The following KCNJ14 variants were observed in gnomAD, a reference collection of about 807,000 sequenced individuals.
The protein encoded by KCNJ14 is ATP-sensitive inward rectifier potassium channel 14.
Under a neutral mutation model 24.5 loss-of-function variants are expected in KCNJ14, and 18 were observed. The ratio of observed to expected loss-of-function variants is 0.74; its 90% CI spans 0.51 to 1.09. The LOEUF (loss-of-function observed/expected upper bound fraction) is 1.09. KCNJ14 is among the 50% of genes least tolerant of loss of function. KCNJ14 has a pLI of 0.00. For synonymous variants in KCNJ14, 288 were observed against 270.8 expected (o/e 1.06, Z -0.63); for missense variants, 633 against 623.0 (o/e 1.02, Z -0.17).
chr19:48,463,317 T>TA (rs1971621146), intron 2 of KCNJ14, among the ~76,000 whole-genome samples: 1 of 151,980 alleles, frequency 6.6e-6, no homozygotes, highest in Non-Finnish European at 1.5e-5. Context: ...GCCTCTGGGG[T>TA]TCCTCTACTT....
At position 48,462,104 on chromosome 19, in the gene KCNJ14, G is replaced by T. The variant is rs775967272; in HGVS notation, c.380G>T (p.Cys127Phe). 6.2e-7 allele frequency: 1 copy of T among 1,601,474 alleles called. No individual in the cohort carries two copies. Among genetic ancestry groups the T allele is most frequent in the Non-Finnish European group, 8.5e-7 (1 of 1,175,570 alleles). The change falls in exon 2 of 3, where the codon TGC becomes TTC. Residue 127 changes from cysteine to phenylalanine, a missense_variant. Cys to Phe is a radical substitution (Grantham distance 205). Coordinates refer to ENST00000342291, the MANE Select transcript of KCNJ14 (RefSeq NM_013348.4). The surrounding 1 kb of genome is among the most constrained non-coding windows in gnomAD (Gnocchi z 4.9). The stretch of plus-strand genomic sequence containing the variant: ...GCCGCCCCGCCACCGCCCGCGCCCT[G>T]CTTCTCACACGTGGCCAGCTTCCTG... ...DLAAPPPPAP[C>F]FSHVASFLAA...
Position 48,461,739 on chromosome 19 carries a change from G to C in KCNJ14, c.15G>C (p.Arg5Ser), listed in dbSNP as rs901184937. 43 of 1,430,030 alleles carry C rather than the reference G, an allele frequency of 3.0e-5. No individual in the cohort carries two copies. Among genetic ancestry groups the C allele is most frequent in the Non-Finnish European group, 3.6e-5 (39 of 1,096,602 alleles). The allele number at this position is 1,430,030 out of a possible 1,614,324, so 88.6% of individuals were successfully genotyped here. A position where few individuals can be genotyped will look rare whatever the true frequency, so the allele number is the denominator to read the frequency against. Residue 5 changes from arginine to serine, a missense_variant, in exon 2 of 3, where the codon AGG (arginine) becomes AGC (serine). By Grantham distance (110) the Arg-to-Ser change is moderately radical. Transcript: ENST00000342291. MGLA[R>S]ALRRLSGALD... ...CCCTCCGTCCAATGGGCCTGGCCAGGGCCCTACGCCGCCTCAGCGGCGCCC... is the reference window on the plus strand; with the variant it reads ...CCCTCCGTCCAATGGGCCTGGCCAGCGCCCTACGCCGCCTCAGCGGCGCCC...
rs370425889 is a variant in KCNJ14 at position 48,461,550 on chromosome 19, A to AAAAAAAAAG, written c.-55-120_-55-119insAAAAAAAAG. On this transcript the variant is annotated intron_variant, in intron 1 of 2. Transcript: ENST00000342291. ...CTCCAAAAAAAAAAAAAAAAAAAAA[A>AAAAAAAAAG]TGCGTATCGTTCCACCTATTTGACA... 187 of 351,392 alleles carry AAAAAAAAAG rather than the reference A, an allele frequency of 5.3e-4. 13 individuals are homozygous for AAAAAAAAAG. Among genetic ancestry groups the AAAAAAAAAG allele is most frequent in the African/African-American group, 3.6e-3 (117 of 32,682 alleles). 21.8% of individuals were successfully genotyped at this position (351,392 alleles called of 1,614,324 possible).
intron 1 of KCNJ14, among the ~76,000 whole-genome samples, chr19:48,458,803 G>C: frequency 6.6e-6 from 1 of 152,026 alleles, no homozygotes; most frequent in Non-Finnish European, 1.5e-5. Flanking sequence ...TGGGATGGTG[G>C]CATGAGCCTG....
In KCNJ14 at chr19:48,462,384, C is replaced by T. The variant is rs1216180173; in HGVS notation, c.660C>T (p.Gly220=). ...GCCTCTGCCTCATGTGGCGCGTCGG[C>T]AACCTGCGCCGCAGCCACCTGGTCG... ...DHRLCLMWRV[G]NLRRSHLVEA... Residue 220 remains glycine, a synonymous_variant, in exon 2 of 3, where the codon GGC becomes GGT. Transcript: ENST00000342291. This position sits in a 1 kb window ranked among gnomAD's most constrained non-coding sequence, Gnocchi z 4.9. The T allele has an allele frequency of 3.3e-6, 5 of 1,525,514 alleles. No homozygotes were observed. Among genetic ancestry groups the T allele is most frequent in the Non-Finnish European group, 4.4e-6 (5 of 1,131,192 alleles). The allele number at this position is 1,525,514 out of a possible 1,614,324, so 94.5% of individuals were successfully genotyped here.
At position 48,464,331 on chromosome 19, in the gene KCNJ14, C is replaced by T. The variant is rs3745725; in HGVS notation, c.865C>T (p.Arg289Cys). The T allele has an allele frequency of 2.0e-3, 3,263 of 1,613,466 alleles. 83 individuals carry two copies. In the East Asian group the frequency reaches 0.043, roughly 21 times the overall value. The change falls in exon 3 of 3, where the codon CGT (arginine) becomes TGT (cysteine). Residue 289 changes from arginine to cysteine, a missense_variant. Transcript: ENST00000342291. ...DSASPLYELG[R>C]AELARADFEL... ...TGCCAGTCCTCTGTATGAGCTAGGA[C>T]GTGCCGAGCTGGCCAGGGCTGACTT...
In KCNJ14 at chr19:48,462,086, C is replaced by A; in HGVS notation, c.362C>A (p.Pro121Gln). 6.2e-7 allele frequency: 1 copy of A among 1,602,314 alleles called. No homozygotes were observed. Among genetic ancestry groups the A allele is most frequent in the Non-Finnish European group, 8.5e-7 (1 of 1,176,406 alleles). ...TCGCTGCACGGCGACCTGGCCGCCC[C>A]GCCACCGCCCGCGCCCTGCTTCTCA... ...IASLHGDLAA[P>Q]PPPAPCFSHV... Residue 121 changes from proline (P) to glutamine (Q), a missense_variant, in exon 2 of 3, where the codon CCG becomes CAG. Physicochemically the swap from Pro to Gln is moderately conservative, Grantham distance 76 (BLOSUM62 -1). Coordinates refer to ENST00000342291, the MANE Select transcript of KCNJ14 (RefSeq NM_013348.4). The surrounding 1 kb of genome is among the most constrained non-coding windows in gnomAD (Gnocchi z 4.9).
At chr19:48,461,631 C>A in intron 1 of KCNJ14, 39 bp from the exon 2 acceptor site, 1 of 702,818 alleles carries the variant, frequency 1.4e-6, no homozygotes, top group Non-Finnish European at 2.1e-6. Context: ...CTCATCCATT[C>A]CTGTTGCCCC....
In KCNJ14 at chr19:48,462,096, C is replaced by A. The variant is rs534129021; in HGVS notation, c.372C>A (p.Pro124=). The A allele has an allele frequency of 1.9e-5, 30 of 1,602,252 alleles. No homozygotes were observed. The South Asian group carries it at 2.8e-4, about 15-fold the overall frequency. ...LHGDLAAPPP[P]APCFSHVASF... is the part of the protein sequence containing the mutation. ...GCGACCTGGCCGCCCCGCCACCGCC[C>A]GCGCCCTGCTTCTCACACGTGGCCA... Residue 124 remains proline, a synonymous_variant, in exon 2 of 3, where the codon CCC becomes CCA. Transcript: ENST00000342291. The surrounding 1 kb of genome is among the most constrained non-coding windows in gnomAD (Gnocchi z 4.9).
Position 48,465,567 on chromosome 19 carries a change from G to A in KCNJ14, c.*790G>A, listed in dbSNP as rs1971646876. On this transcript the variant is annotated 3_prime_UTR_variant, in exon 3 of 3. Coordinates refer to ENST00000342291, the MANE Select transcript of KCNJ14 (RefSeq NM_013348.4). ...TAGATAACTCCAACTTCTGGCTGTA[G>A]AGCACCCAGCCAAGAGAATAAGCAG... 6.6e-6 allele frequency: 1 copy of A among 152,502 alleles called. No homozygotes were observed. The highest frequency in any genetic ancestry group is 1.5e-5 in the Non-Finnish European group (1 of 68,026). 9.4% of individuals were successfully genotyped at this position (152,502 alleles called of 1,614,324 possible). A position where few individuals can be genotyped will look rare whatever the true frequency, so the allele number is the denominator to read the frequency against.
rs374265845 is a variant in KCNJ14, at chr19:48,458,661, C to T, written c.-56+2803C>T. On this transcript the variant is annotated intron_variant, in intron 1 of 2. Transcript: ENST00000342291. ...CTGAGCTCAAGTGATCCAGCTTCCT[C>T]GGCCTCGCAAAGTGTTAGGATTACA... 5.9e-5 allele frequency among the ~76,000 whole-genome samples: 9 copies of T among 152,252 alleles called. No individual in the cohort carries two copies. The East Asian group carries it at 7.7e-4, about 13-fold the overall frequency.
rs1483447885 is a variant in KCNJ14 at position 48,461,856 on chromosome 19, C to G, written c.132C>G (p.Pro44=). The G allele has an allele frequency of 1.9e-6, 3 of 1,558,558 alleles. No homozygotes were observed. Among genetic ancestry groups the G allele is most frequent in the Admixed American group, 1.9e-5 (1 of 52,818 alleles). ...NGWAPAPVQS[P]VGRRRGRFVK... ...GGGCGCCGGCACCGGTGCAGTCACC[C>G]GTGGGCCGGCGCCGCGGTCGCTTCG... Residue 44 remains proline (P), a synonymous_variant, in exon 2 of 3, where the codon CCC becomes CCG. Coordinates refer to ENST00000342291, the MANE Select transcript of KCNJ14 (RefSeq NM_013348.4).
rs1971614048 is a variant in KCNJ14, at chr19:48,462,562, G to A, written c.714+124G>A. On this transcript the variant is annotated intron_variant, in intron 2 of 2. Coordinates refer to ENST00000342291, the MANE Select transcript of KCNJ14 (RefSeq NM_013348.4). The surrounding 1 kb of genome is among the most constrained non-coding windows in gnomAD (Gnocchi z 4.9). ...GGACTACAACTCCCAGCAGCCTCTT[G>A]GGCCTGGGGCCTGCGAATGGGTCAC... 1 of 692,798 alleles carries A rather than the reference G, an allele frequency of 1.4e-6. No homozygotes were observed. Among genetic ancestry groups the A allele is most frequent in the Admixed American group, 3.2e-5 (1 of 31,002 alleles). 42.9% of individuals were successfully genotyped at this position (692,798 alleles called of 1,614,324 possible). A position where few individuals can be genotyped will look rare whatever the true frequency, so the allele number is the denominator to read the frequency against.
Position 48,462,053 on chromosome 19 carries a change from T to C in KCNJ14, c.329T>C (p.Leu110Pro). The part of the protein sequence containing the change: ...SWLLFGLAFW[L>P]IASLHGDLAA... ...CTGCTCTTCGGCCTGGCCTTCTGGC[T>C]CATTGCCTCGCTGCACGGCGACCTG... The change falls in exon 2 of 3, where the codon CTC becomes CCC. Residue 110 changes from leucine (L) to proline (P), a missense_variant. By Grantham distance (98) the Leu-to-Pro change is moderately conservative (BLOSUM62 -3). Transcript: ENST00000342291. The surrounding 1 kb of genome is among the most constrained non-coding windows in gnomAD (Gnocchi z 4.9). 6.2e-7 allele frequency: 1 copy of C among 1,610,664 alleles called. No individual in the cohort carries two copies.
In KCNJ14 at chr19:48,464,402, G is replaced by T; in HGVS notation, c.936G>T (p.Met312Ile). 1 of 1,613,582 alleles carries T rather than the reference G, an allele frequency of 6.2e-7. No homozygotes were observed. The highest frequency in any genetic ancestry group is 1.1e-5 in the South Asian group (1 of 90,920). ...ILEGMVEATA[M>I]TTQCRSSYLP... ...AGGGGATGGTTGAGGCCACAGCCAT[G>T]ACCACACAGTGTCGCTCGTCCTACC... The change falls in exon 3 of 3, where the codon ATG becomes ATT. Residue 312 changes from methionine to isoleucine, a missense_variant. Met to Ile is a conservative substitution (Grantham distance 10). Coordinates refer to ENST00000342291, the MANE Select transcript of KCNJ14 (RefSeq NM_013348.4).
chr19:48,461,955 G>C lies in KCNJ14; in HGVS notation c.231G>C (p.Leu77=). Residue 77 remains leucine (L), a synonymous_variant, in exon 2 of 3, where the codon CTG becomes CTC. Coordinates refer to ENST00000342291, the MANE Select transcript of KCNJ14 (RefSeq NM_013348.4). Reference sequence around the variant, plus strand: ...AGGGCGCGCGCTACCTGAGCGACCTGTTCACCACATGCGTGGACGTGCGCT... The same window carrying C: ...AGGGCGCGCGCTACCTGAGCGACCTCTTCACCACATGCGTGGACGTGCGCT... The part of the protein sequence containing the change: ...GGQGARYLSD[L]FTTCVDVRWR... 3 of 1,613,040 alleles carry C rather than the reference G, an allele frequency of 1.9e-6. No homozygotes were observed. Among genetic ancestry groups the C allele is most frequent in the Non-Finnish European group, 8.5e-7 (1 of 1,179,644 alleles).
chr19:48,464,746 C>T lies in KCNJ14; in HGVS notation c.1280C>T (p.Thr427Ile), dbSNP rs778135213. 9 of 1,607,760 alleles carry T rather than the reference C, an allele frequency of 5.6e-6. No individual in the cohort carries two copies. In the South Asian group the frequency reaches 8.8e-5, roughly 16 times the overall value. ...EDGAASPRVL[T>I]PTLALTLPP ...GGGGCTGCTAGCCCCCGAGTTCTCA[C>T]ACCAACCCTGGCGCTGACCCTGCCT... Residue 427 changes from threonine (T) to isoleucine (I), a missense_variant, in exon 3 of 3, where the codon ACA becomes ATA. Thr to Ile is a moderately conservative substitution (Grantham distance 89). Coordinates refer to ENST00000342291, the MANE Select transcript of KCNJ14 (RefSeq NM_013348.4).
Position 48,462,556 on chromosome 19 carries a change from C to G in KCNJ14, c.714+118C>G, listed in dbSNP as rs1484264535. The G allele has an allele frequency of 4.0e-6, 3 of 746,318 alleles. No individual in the cohort carries two copies. Among genetic ancestry groups the G allele is most frequent in the South Asian group, 2.0e-5 (1 of 50,772 alleles). The allele number at this position is 746,318 out of a possible 1,614,324, so 46.2% of individuals were successfully genotyped here. A position where few individuals can be genotyped will look rare whatever the true frequency, so the allele number is the denominator to read the frequency against. On this transcript the variant is annotated intron_variant, in intron 2 of 2. Transcript: ENST00000342291. This position sits in a 1 kb window ranked among gnomAD's most constrained non-coding sequence, Gnocchi z 4.9. ...GGGCGTGGACTACAACTCCCAGCAG[C>G]CTCTTGGGCCTGGGGCCTGCGAATG...
intron 2 of KCNJ14, among the ~76,000 whole-genome samples, chr19:48,463,193 C>T (rs1248773445): frequency 6.6e-6 from 1 of 152,154 alleles, no homozygotes; most frequent in Non-Finnish European, 1.5e-5. Context: ...CATCTCCGTT[C>T]CCAAGAAACT....
Sources: allele counts gnomAD v4.1 joint callset (sites outside exome capture counted in the v4.1 genomes callset), GRCh38; gene constraint gnomAD v4.1.1; non-coding constraint Gnocchi (gnomAD v3.1); transcripts MANE v1.5; gene names NCBI Gene and HGNC (gene_info 2026-07-23, HGNC 2026-07-21).